The following ZNF500 variants were observed in gnomAD, a reference collection of about 807,000 sequenced individuals.
ZNF500 encodes the protein zinc finger protein with KRAB and SCAN domains 18.
A neutral mutation model predicts 30.1 loss-of-function variants in ZNF500; 31 were observed. That is an observed-to-expected ratio of 1.03 (90% CI 0.77 to 1.39). The LOEUF (loss-of-function observed/expected upper bound fraction) is 1.39. Ranked by LOEUF, ZNF500 falls within the 40% of genes most tolerant of loss-of-function variation. The pLI is 0.00. For synonymous variants in ZNF500, 392 were observed against 282.0 expected, an observed-to-expected ratio of 1.39 and a Z score of -3.91; for missense variants, 817 against 657.8, an observed-to-expected ratio of 1.24 and a Z score of -2.65.
rs369239680 is a variant in ZNF500 at position 4,765,830 on chromosome 16, C to T, written c.149G>A (p.Arg50His). 9.3e-6 allele frequency: 15 copies of T among 1,613,496 alleles called. No individual in the cohort carries two copies. Among genetic ancestry groups the T allele is most frequent in the Middle Eastern group, 1.6e-4 (1 of 6,084 alleles). ...GTAGCAGAAGAGCCGGAAGAGCTGG[C>T]GGAAAGTCTCAGGGCTGGGGTCCTC... ...ETEDPSPETF[R>H]QLFRLFCYQE... The change falls in exon 2 of 6, where the codon CGC becomes CAC. Residue 50 changes from arginine to histidine, a missense_variant. Physicochemically the swap from Arg to His is conservative, Grantham distance 29. Transcript: ENST00000219478.
chr16:4,759,720 C>T (rs1224799373), intron 5 of ZNF500, among the ~76,000 whole-genome samples: 1 of 151,980 alleles, frequency 6.6e-6, no homozygotes, highest in Non-Finnish European at 1.5e-5. Flanking sequence ...TAATACAAAG[C>T]GATATCTCAC....
chr16:4,751,427 G>C lies in ZNF500; in HGVS notation c.*949C>G. ...CCGTCACATCCCAGGCAACATGTCAGGAAGATGGAACTCAGGGGTGCTTTC... is the reference window on the plus strand; with the variant it reads ...CCGTCACATCCCAGGCAACATGTCACGAAGATGGAACTCAGGGGTGCTTTC... On this transcript the variant is annotated 3_prime_UTR_variant, in exon 6 of 6. Coordinates refer to ENST00000219478, the MANE Select transcript of ZNF500 (RefSeq NM_021646.4). 2 of 718,202 alleles carry C rather than the reference G, an allele frequency of 2.8e-6. No individual in the cohort carries two copies. Among genetic ancestry groups the C allele is most frequent in the Non-Finnish European group, 4.4e-6 (2 of 451,576 alleles). 44.5% of individuals were successfully genotyped at this position (718,202 alleles called of 1,614,324 possible). A position where few individuals can be genotyped will look rare whatever the true frequency, so the allele number is the denominator to read the frequency against.
rs1277993908 is a variant in ZNF500 at position 4,762,692 on chromosome 16, T to A, written c.479A>T (p.Gln160Leu). The change falls in exon 3 of 6, where the codon CAG (glutamine) becomes CTG (leucine). Residue 160 changes from glutamine to leucine, a missense_variant. Gln to Leu is a moderately radical substitution (Grantham distance 113). Transcript: ENST00000219478. ...CAGATCCTCTGGCTGAGCCTCTGCCTGGTGTTTTAAGAACTGTCCCCCTAT... is the reference window on the plus strand; with the variant it reads ...CAGATCCTCTGGCTGAGCCTCTGCCAGGTGTTTTAAGAACTGTCCCCCTAT... The part of the protein sequence containing the change: ...LGIGGQFLKH[Q>L]AEAQPEDLSL... 4 of 1,614,022 alleles carry A rather than the reference T, an allele frequency of 2.5e-6. No individual in the cohort carries two copies. In the South Asian group the frequency reaches 4.4e-5, roughly 18 times the overall value.
chr16:4,764,101 G>A (rs895382103), intron 2 of ZNF500: 2 of 985,442 alleles, frequency 2.0e-6, no homozygotes, highest in Non-Finnish European at 2.4e-6. Context: ...AGGAGGTGGA[G>A]AGGCACTGTC....
intron 2 of ZNF500, chr16:4,763,896 C>T (rs2082234693): frequency 1.0e-6 from 1 of 985,446 alleles, no homozygotes; most frequent in Non-Finnish European, 1.2e-6. Flanking sequence ...CAGCAGTGTG[C>T]AGCCAGCAGC....
intron 5 of ZNF500, 133 bp from the exon 6 acceptor site, chr16:4,753,191 T>A: frequency 1.4e-6 from 2 of 1,411,122 alleles, no homozygotes; most frequent in Non-Finnish European, 1.8e-6. Flanking sequence ...CTGGGCACTG[T>A]GGCTCACGCC....
At chr16:4,753,365 G>C (rs1036405498) in intron 5 of ZNF500, among the ~76,000 whole-genome samples, 1 of 152,208 alleles carries the variant, frequency 6.6e-6, no homozygotes, top group African/African-American at 2.4e-5. Flanking sequence ...AGGAGGCTGA[G>C]GTCGGAGGAT....
chr16:4,763,087 T>G (rs2082225384), intron 2 of ZNF500: 1 of 985,340 alleles, frequency 1.0e-6, no homozygotes, highest in Non-Finnish European at 1.2e-6. Flanking sequence ...TTCACAGAAC[T>G]GCATTTGCTA....
At chr16:4,766,470 A>C (rs775467041) in intron 1 of ZNF500, among the ~76,000 whole-genome samples, 1 of 152,092 alleles carries the variant, frequency 6.6e-6, no homozygotes, top group African/African-American at 2.4e-5. Context: ...AAATACAAAA[A>C]TTAGCCCGAC....
downstream of ZNF500, chr16:4,747,066 C>T (rs1315437169): frequency 2.7e-6 from 4 of 1,485,256 alleles, no homozygotes; most frequent in Non-Finnish European, 3.6e-6. Context: ...AGATGTCCCA[C>T]CTCTGCTTTC....
intron 2 of ZNF500, among the ~76,000 whole-genome samples, chr16:4,764,583 C>G (rs61536570): frequency 0.015 from 2,246 of 151,798 alleles, 58 homozygotes; most frequent in African/African-American, 0.052. Flanking sequence ...AGATCCAGAC[C>G]ACCCTGGCTA....
chr16:4,757,926 A>G, intron 5 of ZNF500, among the ~76,000 whole-genome samples: 1 of 119,350 alleles, frequency 8.4e-6, no homozygotes, highest in Non-Finnish European at 1.7e-5. Flanking sequence ...TTTGACACAG[A>G]GTTTCGCTCT....
At chr16:4,766,664 T>C (rs1428329771) in intron 1 of ZNF500, among the ~76,000 whole-genome samples, 2 of 152,114 alleles carry the variant, frequency 1.3e-5, no homozygotes, top group African/African-American at 4.8e-5. Context: ...TCGAGAATCG[T>C]TATTTTCCAT....
chr16:4,747,186 C>A, downstream of ZNF500: 1 of 1,227,802 alleles, frequency 8.1e-7, no homozygotes, highest in Non-Finnish European at 1.1e-6. Flanking sequence ...CCCACGTCCA[C>A]TGGGTCCCAG....
Position 4,765,554 on chromosome 16 carries a change from C to CAG in ZNF500, c.414+10_414+11insCT, listed in dbSNP as rs1555486739. 4.5e-6 allele frequency: 7 copies of CAG among 1,570,474 alleles called. No individual in the cohort carries two copies. The South Asian group carries it at 8.3e-5, about 19-fold the overall frequency. ...ATTTCCTCACCTGAGGGTCAAAATGCCCCCACTCACCCGCTGCCTGTGTTT... is the reference window on the plus strand; with the variant it reads ...ATTTCCTCACCTGAGGGTCAAAATGCAGCCCCACTCACCCGCTGCCTGTGTTT... On this transcript the variant is annotated intron_variant, in intron 2 of 5. Transcript: ENST00000219478.
In ZNF500 at chr16:4,765,604, C is replaced by T. The variant is rs2082255858; in HGVS notation, c.375G>A (p.Val125=). ...TCCTGGGCTTCCGCTGCAGCCCTTC[C>T]ACAAGGACCACGGCCTCCTCACCGC... The part of the protein sequence containing the change: ...PESGEEAVVL[V]EGLQRKPRKH... Residue 125 remains valine, a synonymous_variant, in exon 2 of 6, where the codon GTG becomes GTA. Transcript: ENST00000219478. 5.0e-6 allele frequency: 8 copies of T among 1,610,696 alleles called. No individual in the cohort carries two copies. The highest frequency in any genetic ancestry group is 6.8e-6 in the Non-Finnish European group (8 of 1,178,120).
chr16:4,765,896 T>C lies in ZNF500; in HGVS notation c.83A>G (p.Glu28Gly). 1 of 1,613,264 alleles carries C rather than the reference T, an allele frequency of 6.2e-7. No individual in the cohort carries two copies. The highest frequency in any genetic ancestry group is 1.1e-5 in the South Asian group (1 of 91,028). Reference sequence around the variant, plus strand: ...CTCCTCTTCCAAGCAGAAGTCCTCCTCCACCTTCACAATCAGGATCTCTTC... The same window carrying C: ...CTCCTCTTCCAAGCAGAAGTCCTCCCCCACCTTCACAATCAGGATCTCTTC... ...EQEEILIVKV[E>G]EDFCLEEEPS... The change falls in exon 2 of 6, where the codon GAG becomes GGG. Residue 28 changes from glutamate (E) to glycine (G), a missense_variant. Glu to Gly is a moderately conservative substitution (Grantham distance 98). Coordinates refer to ENST00000219478, the MANE Select transcript of ZNF500 (RefSeq NM_021646.4).
chr16:4,755,608 T>A (rs1266974394), intron 5 of ZNF500, among the ~76,000 whole-genome samples: 1 of 152,176 alleles, frequency 6.6e-6, no homozygotes, highest in Non-Finnish European at 1.5e-5. Context: ...TGAGCCACCA[T>A]GCCTGGCCGT....
In ZNF500 at chr16:4,764,751, C is replaced by A. The variant is rs1240203309; in HGVS notation, c.414+814G>T. Among the ~76,000 whole-genome samples the A allele has an allele frequency of 2.0e-5, 3 of 148,184 alleles. No homozygotes were observed. The South Asian group carries it at 6.4e-4, about 31-fold the overall frequency. On this transcript the variant is annotated intron_variant, in intron 2 of 5. Coordinates refer to ENST00000219478, the MANE Select transcript of ZNF500 (RefSeq NM_021646.4). ...GAGCCGAGATTGCGCCACTGCTCTC[C>A]AGCCTGGGCGACAGGGCGAGACTCC...
Sources: allele counts gnomAD v4.1 joint callset (sites outside exome capture counted in the v4.1 genomes callset), GRCh38; gene constraint gnomAD v4.1.1; transcripts MANE v1.5; gene names NCBI Gene and HGNC (gene_info 2026-07-23, HGNC 2026-07-21).